Variants in USP45 observed in about 807,000 individuals in gnomAD.
The protein encoded by USP45 is ubiquitin carboxyl-terminal hydrolase 45.
Under a neutral mutation model 95.8 loss-of-function variants are expected in USP45, and 89 were observed. That is an observed-to-expected ratio of 0.93 (90% CI 0.78 to 1.11). The LOEUF is 1.11. Ranked by LOEUF, USP45 falls within the 50% of genes least tolerant of loss-of-function variation. USP45 has a pLI of 0.00. For synonymous variants in USP45, 281 were observed against 316.2 expected (o/e 0.89, Z 1.18); for missense variants, 898 against 942.5 (o/e 0.95, Z 0.62).
At chr6:99,515,269 G>A (rs1328041876) in intron 1 of USP45, 123 bp downstream of exon 1, 1 of 152,222 alleles carries the variant, frequency 6.6e-6, no homozygotes, top group East Asian at 1.9e-4. Context: ...AAGCCGAGTG[G>A]GGTGGGGAGC....
intron 13 of USP45, among the ~76,000 whole-genome samples, chr6:99,450,296 TAAAG>T (rs1242297991): frequency 8.0e-5 from 12 of 150,400 alleles, no homozygotes; most frequent in Non-Finnish European, 1.5e-5. Context: ...GCAAGACAAA[TAAAG>T]AAGAAAAGAG....
At chr6:99,514,415 C>T (rs1800657611) in intron 1 of USP45, among the ~76,000 whole-genome samples, 1 of 152,140 alleles carries the variant, frequency 6.6e-6, no homozygotes, top group South Asian at 2.1e-4. Context: ...ATCTAAGTTC[C>T]CAGATGCCAA....
At chr6:99,484,359 G>T (rs1211987549) in intron 7 of USP45, among the ~76,000 whole-genome samples, 4 of 145,260 alleles carry the variant, frequency 2.8e-5, no homozygotes, top group Admixed American at 1.4e-4. Context: ...GTAGAGACGG[G>T]GGTAGAGGGG....
chr6:99,503,311 T>C (rs1797786599), intron 5 of USP45, among the ~76,000 whole-genome samples: 1 of 151,930 alleles, frequency 6.6e-6, no homozygotes, highest in Non-Finnish European at 1.5e-5. Context: ...CACCTAAGAA[T>C]GCATGATACT....
intron 15 of USP45, among the ~76,000 whole-genome samples, chr6:99,441,165 T>TTG (rs1781445800): frequency 1.9e-4 from 1 of 5,176 alleles, no homozygotes; most frequent in Admixed American, 4.4e-3. Flanking sequence ...ACACAAATTT[T>TTG]TGTGTATATC....
chr6:99,486,679 T>G (rs986964022), intron 7 of USP45, among the ~76,000 whole-genome samples: 10 of 151,632 alleles, frequency 6.6e-5, no homozygotes, highest in Non-Finnish European at 1.2e-4. Flanking sequence ...TTCAAAGATA[T>G]ATATATAAAA....
In USP45 at chr6:99,510,110, T is replaced by C. The variant is rs770819272; in HGVS notation, c.100+11A>G. The C allele has an allele frequency of 1.3e-6, 2 of 1,591,958 alleles. No individual in the cohort carries two copies. The highest frequency in any genetic ancestry group is 1.7e-5 in the Admixed American group (1 of 59,724). ...TCAACACTATTTGGGATGCCATATA[T>C]CACAATTTACCAGCAATATCATCTG... On this transcript the variant is annotated intron_variant, in intron 2 of 17. Coordinates refer to ENST00000500704, the MANE Select transcript of USP45 (RefSeq NM_001346022.3).
In USP45 at chr6:99,453,170, A is replaced by AAAG. The variant is rs376989565; in HGVS notation, c.1309-6710_1309-6708dup. Among the ~76,000 whole-genome samples, 8 of 49,630 alleles carry AAAG rather than the reference A, an allele frequency of 1.6e-4. No homozygotes were observed. In the East Asian group the frequency reaches 0.013, roughly 80 times the overall value. 32.6% of individuals were successfully genotyped at this position (49,630 alleles called of 152,430 possible). ...GTGCACATGTACCCTAGAACTTAAA[A>AAAG]AAGAAAAAAAAAAAAACATAAAAGG... On this transcript the variant is annotated intron_variant, in intron 13 of 17. Coordinates refer to ENST00000500704, the MANE Select transcript of USP45 (RefSeq NM_001346022.3).
chr6:99,453,666 G>A (rs954369017), intron 13 of USP45, among the ~76,000 whole-genome samples: 1 of 152,126 alleles, frequency 6.6e-6, no homozygotes, highest in Non-Finnish European at 1.5e-5. Context: ...CCTAAAATAT[G>A]TATGGAACCT....
At chr6:99,511,806 T>C (rs1466767230) in intron 1 of USP45, among the ~76,000 whole-genome samples, 1 of 149,704 alleles carries the variant, frequency 6.7e-6, no homozygotes, top group Admixed American at 6.7e-5. Context: ...AATATCAATA[T>C]GTGTGTATAG....
chr6:99,454,422 A>G (rs550786069), intron 13 of USP45, among the ~76,000 whole-genome samples: 131 of 152,304 alleles, frequency 8.6e-4, no homozygotes, highest in Non-Finnish European at 1.4e-3. Flanking sequence ...GGAGACCTCA[A>G]AAGCACAGGC....
chr6:99,470,990 G>A (rs1410247299), intron 9 of USP45, among the ~76,000 whole-genome samples: 1 of 152,066 alleles, frequency 6.6e-6, no homozygotes, highest in Non-Finnish European at 1.5e-5. Flanking sequence ...ATCCTGAAAT[G>A]TCATATCACT....
chr6:99,440,887 A>G (rs937535516), intron 15 of USP45, among the ~76,000 whole-genome samples: 4 of 152,136 alleles, frequency 2.6e-5, no homozygotes, highest in African/African-American at 9.7e-5. Flanking sequence ...CATTTCAGCT[A>G]TTGTGTTCTC....
chr6:99,465,590 A>G (rs1280061348), intron 11 of USP45, among the ~76,000 whole-genome samples: 1 of 152,184 alleles, frequency 6.6e-6, no homozygotes, highest in African/African-American at 2.4e-5. Flanking sequence ...AGAGAAAACA[A>G]CTTCTGTGTT....
chr6:99,464,302 G>A (rs900928885), intron 13 of USP45, among the ~76,000 whole-genome samples: 8 of 152,012 alleles, frequency 5.3e-5, no homozygotes, highest in South Asian at 2.1e-4. Flanking sequence ...GCAAAACTCC[G>A]TCTTAAAAAA....
intron 1 of USP45, among the ~76,000 whole-genome samples, chr6:99,513,645 C>T (rs1800433367): frequency 6.6e-6 from 1 of 152,174 alleles, no homozygotes; most frequent in Non-Finnish European, 1.5e-5. Context: ...GACCTACATA[C>T]TGTAAGCAAC....
At chr6:99,516,121 C>G (rs1801089874), upstream of USP45, among the ~76,000 whole-genome samples, 1 of 151,742 alleles carries the variant, frequency 6.6e-6, no homozygotes, top group Non-Finnish European at 1.5e-5. Context: ...AAAGTCACAT[C>G]TAACATTCGT....
chr6:99,466,784 A>C, intron 10 of USP45, 21 bp from the exon 11 acceptor site: 1 of 1,593,380 alleles, frequency 6.3e-7, no homozygotes, highest in Non-Finnish European at 8.6e-7. Flanking sequence ...CATACTTTTT[A>C]ATGCAAAAAA....
At chr6:99,503,435 G>A (rs561849588) in intron 5 of USP45, among the ~76,000 whole-genome samples, 9 of 151,830 alleles carry the variant, frequency 5.9e-5, no homozygotes, top group Admixed American at 6.6e-5. Context: ...AGGTTCAAGC[G>A]ATTCTCCTGT....
Sources: allele counts gnomAD v4.1 joint callset (sites outside exome capture counted in the v4.1 genomes callset), GRCh38; gene constraint gnomAD v4.1.1; transcripts MANE v1.5; gene names NCBI Gene and HGNC (gene_info 2026-07-23, HGNC 2026-07-21).